Variants in RFX3 observed in about 807,000 individuals in gnomAD.
RFX3 encodes the protein regulatory factor X3.
A neutral mutation model predicts 98.6 loss-of-function variants in RFX3; 14 were observed. The ratio of observed to expected loss-of-function variants is 0.14; its 90% CI spans 0.09 to 0.22. The LOEUF (loss-of-function observed/expected upper bound fraction) is 0.22, where lower values mean the gene tolerates loss of function less well. Among genes scored for constraint, RFX3 ranks in the 10% least tolerant of loss-of-function variants. RFX3 has a pLI of 1.00. For synonymous variants in RFX3, 383 were observed against 328.4 expected (o/e 1.17, Z -1.80); for missense variants, 639 against 926.9 (o/e 0.69, Z 4.03).
intron 2 of RFX3, among the ~76,000 whole-genome samples, chr9:3,384,940 T>C (rs1839550839): frequency 6.6e-6 from 1 of 152,178 alleles, no homozygotes; most frequent in South Asian, 2.1e-4. Flanking sequence ...ATTCCTCAAA[T>C]CTTAGCTTAA....
At chr9:3,424,450 CT>C (rs1843793828) in intron 1 of RFX3, among the ~76,000 whole-genome samples, 1 of 149,068 alleles carries the variant, frequency 6.7e-6, no homozygotes, top group Non-Finnish European at 1.5e-5. Flanking sequence ...CAAGCTCCGC[CT>C]CCCGGGTTCA....
intron 1 of RFX3, among the ~76,000 whole-genome samples, chr9:3,521,736 A>G (rs1818727702): frequency 6.6e-6 from 1 of 152,208 alleles, no homozygotes; most frequent in Non-Finnish European, 1.5e-5. Context: ...TACTTAACCA[A>G]CAAAAACAAC....
intron 1 of RFX3, chr9:3,488,791 T>G: frequency 1.0e-6 from 1 of 985,328 alleles, no homozygotes; most frequent in Non-Finnish European, 1.2e-6. Context: ...ACCACAAGTT[T>G]GAAATGGAGG....
intron 6 of RFX3, among the ~76,000 whole-genome samples, chr9:3,292,803 T>C (rs781739059): frequency 5.3e-5 from 8 of 152,184 alleles, no homozygotes; most frequent in Non-Finnish European, 8.8e-5. Flanking sequence ...AAATCTTGCA[T>C]TAACAGGTTG....
intron 4 of RFX3, among the ~76,000 whole-genome samples, chr9:3,320,462 G>C (rs922405555): frequency 6.6e-6 from 1 of 151,490 alleles, no homozygotes; most frequent in South Asian, 2.1e-4. Context: ...TGAGGCAGGA[G>C]AATCACTTGA....
chr9:3,233,014 GA>G (rs529400720), intron 15 of RFX3, among the ~76,000 whole-genome samples: 47 of 152,310 alleles, frequency 3.1e-4, no homozygotes, highest in Admixed American at 7.2e-4. Context: ...AGAGAAACTA[GA>G]ACAGACAGTA....
At chr9:3,380,974 TTTG>T (rs1172876193) in intron 2 of RFX3, among the ~76,000 whole-genome samples, 9 of 152,152 alleles carry the variant, frequency 5.9e-5, no homozygotes, top group East Asian at 1.9e-4. Context: ...GCGCTGTTGC[TTTG>T]TTATTTTTAT....
At chr9:3,508,176 A>G (rs1008005419) in intron 1 of RFX3, among the ~76,000 whole-genome samples, 5 of 151,992 alleles carry the variant, frequency 3.3e-5, no homozygotes, top group African/African-American at 1.2e-4. Flanking sequence ...AATGATTCAT[A>G]AGACATTAAG....
intron 1 of RFX3, among the ~76,000 whole-genome samples, chr9:3,493,174 T>C (rs1850845774): frequency 6.6e-6 from 1 of 152,152 alleles, no homozygotes; most frequent in Non-Finnish European, 1.5e-5. Flanking sequence ...TATCTACATC[T>C]TATCCATGAA....
intron 5 of RFX3, among the ~76,000 whole-genome samples, chr9:3,294,499 A>G (rs1006040794): frequency 6.6e-6 from 1 of 152,142 alleles, no homozygotes; most frequent in Non-Finnish European, 1.5e-5. Flanking sequence ...GGAATTTCCA[A>G]TGAAATGCTA....
chr9:3,369,102 G>A (rs1837525534), intron 2 of RFX3, among the ~76,000 whole-genome samples: 1 of 152,192 alleles, frequency 6.6e-6, no homozygotes. Flanking sequence ...AGCACACCAG[G>A]AGAAAAAGAT....
At chr9:3,340,471 A>G (rs531369205) in intron 3 of RFX3, among the ~76,000 whole-genome samples, 5 of 152,332 alleles carry the variant, frequency 3.3e-5, no homozygotes, top group East Asian at 3.9e-4. Context: ...CAGACAACCT[A>G]CAGAATGGGA....
chr9:3,466,520 A>C (rs1848237876), intron 1 of RFX3, among the ~76,000 whole-genome samples: 1 of 152,216 alleles, frequency 6.6e-6, no homozygotes, highest in African/African-American at 2.4e-5. Context: ...AGGTTGGCAC[A>C]AAAGTAATTG....
At chr9:3,468,826 A>AAG (rs1450973067) in intron 1 of RFX3, among the ~76,000 whole-genome samples, 13 of 151,146 alleles carry the variant, frequency 8.6e-5, no homozygotes, top group Admixed American at 7.9e-4. Flanking sequence ...AAAAAAAAAA[A>AAG]AAAAAGAAAA....
chr9:3,327,062 T>C (rs1263624301), intron 4 of RFX3, among the ~76,000 whole-genome samples: 1 of 152,140 alleles, frequency 6.6e-6, no homozygotes, highest in African/African-American at 2.4e-5. Context: ...GGCTCAATGT[T>C]TGGAAAGAAA....
At chr9:3,247,977 A>G in intron 15 of RFX3, 55 bp downstream of exon 15, 1 of 1,614,002 alleles carries the variant, frequency 6.2e-7, no homozygotes. Flanking sequence ...CTGAAGTGTA[A>G]TTCTGGCTTA....
rs1207483793 is a variant in RFX3, at chr9:3,230,391, C to G, written c.1969-1502G>C. On this transcript the variant is annotated intron_variant, in intron 15 of 16. Coordinates refer to ENST00000617270, the MANE Select transcript of RFX3 (RefSeq NM_001282116.2). ...TTATTAAAAGTAATGGAAAAAACCA[C>G]TATTACTTTTGTACCAACCTAATAC... Among the ~76,000 whole-genome samples, 3 of 152,118 alleles carry G rather than the reference C, an allele frequency of 2.0e-5. No homozygotes were observed. In the East Asian group the frequency reaches 5.8e-4, roughly 29 times the overall value.
At chr9:3,395,317 A>T (rs188502949) in intron 2 of RFX3, among the ~76,000 whole-genome samples, 155 bp downstream of exon 2, 2 of 152,366 alleles carry the variant, frequency 1.3e-5, no homozygotes, top group Admixed American at 1.3e-4. Context: ...CACATCCAAG[A>T]AATGCTCAAG....
intron 5 of RFX3, among the ~76,000 whole-genome samples, chr9:3,300,778 A>G (rs1040142999): frequency 2.0e-5 from 3 of 151,916 alleles, no homozygotes; most frequent in Non-Finnish European, 4.4e-5. Flanking sequence ...AAATCATCTT[A>G]ACAAAACAAA....
Sources: gnomAD v4.1 joint callset for allele counts (sites outside exome capture counted in the v4.1 genomes callset) on GRCh38, gnomAD v4.1.1 for gene constraint, MANE v1.5 for transcripts, NCBI Gene and HGNC (gene_info 2026-07-23, HGNC 2026-07-21) for gene names.